TRAPPC10: variants seen among roughly 807,000 people sequenced by gnomAD.
The protein encoded by TRAPPC10 is TRAPP 130 kDa subunit.
Under a neutral mutation model 125.5 loss-of-function variants are expected in TRAPPC10, and 23 were observed. The observed-to-expected ratio is 0.18, with a 90% CI of 0.13 to 0.26. TRAPPC10 has a LOEUF of 0.26. Among genes scored for constraint, TRAPPC10 ranks in the 10% least tolerant of loss-of-function variants. TRAPPC10 has a pLI of 1.00. For missense variants in TRAPPC10, 1,123 were observed against 1,308.4 expected, an observed-to-expected ratio of 0.86 and a Z score of 2.19; for synonymous variants, 509 against 518.0, an observed-to-expected ratio of 0.98 and a Z score of 0.24.
intron 8 of TRAPPC10, 38 bp downstream of exon 8, chr21:44,074,508 T>G (rs745439012): frequency 6.2e-7 from 1 of 1,612,596 alleles, no homozygotes; most frequent in Admixed American, 1.7e-5. Flanking sequence ...TCACGTTGTC[T>G]CTGCGGCCAT....
intron 1 of TRAPPC10, among the ~76,000 whole-genome samples, chr21:44,029,181 G>A (rs1328327627): frequency 1.3e-5 from 2 of 152,072 alleles, no homozygotes; most frequent in Non-Finnish European, 2.9e-5. Context: ...TGCAAGCTCC[G>A]CCTCCCGGGT....
chr21:44,040,246 G>A (rs980132113), intron 3 of TRAPPC10, among the ~76,000 whole-genome samples: 1 of 152,164 alleles, frequency 6.6e-6, no homozygotes, highest in Non-Finnish European at 1.5e-5. Context: ...TCTTGATCAC[G>A]TTGAGACATA....
At chr21:44,060,748 A>G (rs1191403360) in intron 6 of TRAPPC10, among the ~76,000 whole-genome samples, 1 of 149,136 alleles carries the variant, frequency 6.7e-6, no homozygotes, top group Non-Finnish European at 1.5e-5. Flanking sequence ...TTACAGGTGC[A>G]TGCCACCATA....
intron 2 of TRAPPC10, 34 bp downstream of exon 2, chr21:44,032,206 T>G (rs1285851207): frequency 2.6e-6 from 4 of 1,536,526 alleles, no homozygotes; most frequent in Non-Finnish European, 3.6e-6. Context: ...TGTATCCCTC[T>G]CTTCATTTTT....
intron 7 of TRAPPC10, among the ~76,000 whole-genome samples, chr21:44,069,274 T>C (rs2036678688): frequency 6.6e-6 from 1 of 151,892 alleles, no homozygotes; most frequent in South Asian, 2.1e-4. Context: ...CCAGTATATA[T>C]AGACAAGAAA....
At chr21:44,093,478 C>T (rs2038721644) in intron 19 of TRAPPC10, among the ~76,000 whole-genome samples, 1 of 141,850 alleles carries the variant, frequency 7.0e-6, no homozygotes, top group Non-Finnish European at 1.5e-5. Context: ...AAAAAATCAG[C>T]GGGGCGTGGT....
intron 17 of TRAPPC10, chr21:44,089,292 C>T (rs1272560739): frequency 2.9e-6 from 1 of 346,972 alleles, no homozygotes; most frequent in African/African-American, 2.1e-5. Flanking sequence ...AGGCTTGAGA[C>T]TTGCTTCCTT....
At chr21:44,095,603 G>A (rs542293881) in intron 20 of TRAPPC10, among the ~76,000 whole-genome samples, 3 of 151,716 alleles carry the variant, frequency 2.0e-5, no homozygotes, top group African/African-American at 4.8e-5. Flanking sequence ...TCGCTGTGTC[G>A]CCCAGGCTGG....
In TRAPPC10 at chr21:44,060,571, C is replaced by T. The variant is rs148200329; in HGVS notation, c.790+1357C>T. Among the ~76,000 whole-genome samples, 470 of 151,820 alleles carry T rather than the reference C, an allele frequency of 3.1e-3. 4 individuals carry two copies. The highest frequency in any genetic ancestry group is 0.01 in the African/African-American group (432 of 41,364). On this transcript the variant is annotated intron_variant, in intron 6 of 22. Transcript: ENST00000291574. ...GATTGCAGGTGTGAGCCACCATGCC[C>T]GGCCTTATGTGTCCATATTATACAA...
rs377501319 is a variant in TRAPPC10 at position 44,087,973 on chromosome 21, G to A, written c.2769+45G>A. The A allele has an allele frequency of 2.2e-5, 34 of 1,516,954 alleles. No individual in the cohort carries two copies. Among genetic ancestry groups the A allele is most frequent in the Non-Finnish European group, 2.9e-5 (32 of 1,113,758 alleles). The allele number at this position is 1,516,954 out of a possible 1,614,324, so 94.0% of individuals were successfully genotyped here. A position where few individuals can be genotyped will look rare whatever the true frequency, so the allele number is the denominator to read the frequency against. On this transcript the variant is annotated intron_variant, in intron 17 of 22. Transcript: ENST00000291574. The surrounding 1 kb of genome is among the most constrained non-coding windows in gnomAD (Gnocchi z 4.6). ...GAGCTTAGCTTGTGGGGCGTCCGCC[G>A]CCCGCCTGCCTGCTGGGAAAGGCGA... is the stretch of plus-strand genomic sequence containing the variant.
intron 2 of TRAPPC10, among the ~76,000 whole-genome samples, 181 bp from the exon 3 acceptor site, chr21:44,037,611 G>A (rs1211046313): frequency 1.3e-5 from 2 of 152,176 alleles, no homozygotes; most frequent in African/African-American, 2.4e-5. Context: ...ACCTGTACAC[G>A]TGAACTGTGT....
intron 20 of TRAPPC10, among the ~76,000 whole-genome samples, chr21:44,095,550 TTTTTTTG>T (rs2038878558): frequency 6.6e-6 from 1 of 151,122 alleles, no homozygotes; most frequent in Non-Finnish European, 1.5e-5. Context: ...AGTATGGGTT[TTTTTTTG>T]TTTTTTGTTT....
In TRAPPC10 at chr21:44,063,751, T is replaced by C. The variant is rs1223933136; in HGVS notation, c.1004T>C (p.Leu335Pro). 6.2e-7 allele frequency: 1 copy of C among 1,614,116 alleles called. No individual in the cohort carries two copies. Among genetic ancestry groups the C allele is most frequent in the Non-Finnish European group, 8.5e-7 (1 of 1,180,004 alleles). Residue 335 changes from leucine to proline, a missense_variant, in exon 7 of 23, where the codon CTG becomes CCG. Around this residue, in one of 4 missense-constraint regions of TRAPPC10, gnomAD observed 840 missense variants for 902.0 expected, o/e 0.93. Transcript: ENST00000291574. The surrounding 1 kb of genome is among the most constrained non-coding windows in gnomAD (Gnocchi z 4.4). ...WEVAQRALEL[L>P]HNCVQELKLL... ...GTGGCCCAGCGCGCCCTAGAGCTGC[T>C]GCACAACTGCGTGCAGGAACTGAAG...
chr21:44,065,101 G>C (rs186735016), intron 7 of TRAPPC10, among the ~76,000 whole-genome samples: 22 of 152,268 alleles, frequency 1.4e-4, no homozygotes, highest in African/African-American at 5.1e-4. Flanking sequence ...TAGCCGGGAG[G>C]GGGGAAAATT....
At chr21:44,013,681 C>T (rs2031457132) in intron 1 of TRAPPC10, among the ~76,000 whole-genome samples, 2 of 152,210 alleles carry the variant, frequency 1.3e-5, no homozygotes. Flanking sequence ...AGACTTATTT[C>T]TTTCCTTCCT....
At chr21:44,073,473 G>A (rs2037029957) in intron 7 of TRAPPC10, among the ~76,000 whole-genome samples, 1 of 152,172 alleles carries the variant, frequency 6.6e-6, no homozygotes, top group Non-Finnish European at 1.5e-5. Flanking sequence ...CTAAAATGTG[G>A]GGGAAAACTG....
chr21:44,080,179 G>A (rs1170156225), intron 13 of TRAPPC10, 52 bp downstream of exon 13: 9 of 1,492,834 alleles, frequency 6.0e-6, no homozygotes, highest in African/African-American at 2.8e-5. Context: ...TATTACAGAA[G>A]TAAAAAAGAA....
rs909461839 is a variant in TRAPPC10 at position 44,020,189 on chromosome 21, C to T, written c.67+7629C>T. Among the ~76,000 whole-genome samples the T allele has an allele frequency of 6.7e-5, 10 of 150,326 alleles. No homozygotes were observed. In the South Asian group the frequency reaches 1.0e-3, roughly 16 times the overall value. On this transcript the variant is annotated intron_variant, in intron 1 of 22. Transcript: ENST00000291574. ...AGGCTGGAGTGCAGTGGCGTGATCT[C>T]GGCTTACTGCAAGCTCCGACTCCGC...
At chr21:44,012,635 C>T in intron 1 of TRAPPC10, 75 bp downstream of exon 1, 1 of 1,348,524 alleles carries the variant, frequency 7.4e-7, no homozygotes, top group South Asian at 1.3e-5. Context: ...ACCCGGCGCC[C>T]CCAGACCTTC....
Sources: allele counts gnomAD v4.1 joint callset (sites outside exome capture counted in the v4.1 genomes callset), GRCh38; gene constraint gnomAD v4.1.1; regional missense constraint gnomAD v4.1.1; non-coding constraint Gnocchi (gnomAD v3.1); transcripts MANE v1.5; gene names NCBI Gene and HGNC (gene_info 2026-07-23, HGNC 2026-07-21).